PADI1: variants seen among roughly 807,000 people sequenced by gnomAD.
PADI1 encodes the protein protein-arginine deiminase type-1.
PADI1 carries 65 observed loss-of-function variants against 74.8 expected under a neutral mutation model. The ratio of observed to expected loss-of-function variants is 0.87; its 90% CI spans 0.71 to 1.07. PADI1 has a LOEUF of 1.07. Among genes scored for constraint, PADI1 ranks in the 50% least tolerant of loss-of-function variants. The pLI, the probability that PADI1 is intolerant of heterozygous loss-of-function variation, is 0.00. For missense variants in PADI1, 943 were observed against 854.0 expected, an observed-to-expected ratio of 1.10 and a Z score of -1.30; for synonymous variants, 371 against 336.2, an observed-to-expected ratio of 1.10 and a Z score of -1.13.
intron 1 of PADI1, among the ~76,000 whole-genome samples, chr1:17,218,666 A>G (rs1569774117): frequency 6.6e-6 from 1 of 152,122 alleles, no homozygotes; most frequent in East Asian, 1.9e-4. Flanking sequence ...CAAAGAGAAG[A>G]AATAATTGGA....
intron 6 of PADI1, 49 bp from the exon 7 acceptor site, chr1:17,228,576 G>A (rs1055791299): frequency 1.3e-6 from 2 of 1,598,362 alleles, no homozygotes; most frequent in Non-Finnish European, 1.7e-6. Context: ...TGGGCTTGCA[G>A]CCCCTCACCC....
At position 17,244,009 on chromosome 1, in the gene PADI1, G is replaced by A. The variant is rs1295798716; in HGVS notation, c.1759-1G>A. Reference sequence around the variant, plus strand: ...TCCCTCTTGCCTTTTCTCTTTTGCAGGTTAACATGGTGGTCTTAGGCAAGT... The same window carrying A: ...TCCCTCTTGCCTTTTCTCTTTTGCAAGTTAACATGGTGGTCTTAGGCAAGT... On this transcript the variant is annotated splice_acceptor_variant, in intron 15 of 15. Coordinates refer to ENST00000375471, the MANE Select transcript of PADI1 (RefSeq NM_013358.3). LOFTEE classifies it high-confidence loss of function. 6.2e-7 allele frequency: 1 copy of A among 1,609,762 alleles called. No individual in the cohort carries two copies. Among genetic ancestry groups the A allele is most frequent in the Non-Finnish European group, 8.5e-7 (1 of 1,176,366 alleles).
At position 17,226,037 on chromosome 1, in the gene PADI1, G is replaced by A. The variant is rs1037714444; in HGVS notation, c.531G>A (p.Leu177=). Residue 177 remains leucine (L), a synonymous_variant, in exon 6 of 16, where the codon CTG becomes CTA. Coordinates refer to ENST00000375471, the MANE Select transcript of PADI1 (RefSeq NM_013358.3). ...THSWLMSLAD[L]QDMSPMLLSC... is the part of the protein sequence containing the mutation. ...CAAGAGGGCCACTCTCTCCAGACCT[G>A]CAGGACATGTCCCCAATGCTGCTGA... is the stretch of plus-strand genomic sequence containing the variant. 2 of 1,614,168 alleles carry A rather than the reference G, an allele frequency of 1.2e-6. No homozygotes were observed. The highest frequency in any genetic ancestry group is 8.5e-7 in the Non-Finnish European group (1 of 1,180,024).
intron 12 of PADI1, 106 bp from the exon 13 acceptor site, chr1:17,238,499 CCGAGTGGGAGA>C: frequency 4.5e-6 from 2 of 442,996 alleles, no homozygotes; most frequent in Non-Finnish European, 4.0e-6. Flanking sequence ...GGGGTGTAGA[CCGAGTGGGAGA>C]GGGGAGTCCC....
chr1:17,224,551 T>G, intron 4 of PADI1, 123 bp downstream of exon 4: 1 of 761,380 alleles, frequency 1.3e-6, no homozygotes. Context: ...TATCCAACCA[T>G]GTAGGGAACC....
At chr1:17,241,214 G>A (rs1044496274) in intron 15 of PADI1, among the ~76,000 whole-genome samples, 6 of 152,208 alleles carry the variant, frequency 3.9e-5, no homozygotes, top group South Asian at 2.1e-4. Flanking sequence ...TGGGGTGGGC[G>A]GTGGCCTCGC....
chr1:17,237,269 C>G, intron 11 of PADI1, 45 bp from the exon 12 acceptor site: 1 of 1,552,520 alleles, frequency 6.4e-7, no homozygotes, highest in Non-Finnish European at 8.7e-7. Flanking sequence ...AGGCCTGATG[C>G]CTCTCAGGCA....
chr1:17,230,537 A>G, intron 9 of PADI1, 35 bp from the exon 10 acceptor site: 1 of 1,449,810 alleles, frequency 6.9e-7, no homozygotes, highest in Non-Finnish European at 9.6e-7. Context: ...CACCCGAAAA[A>G]GGTCACTGTG....
chr1:17,205,184 G>T lies in PADI1; in HGVS notation c.-34G>T, dbSNP rs1314247610. ...CCCAGGACGGGAGCTGGGGAGCCAGGGCTGATCTAGGAGGCTGGGAGCCAG... is the reference window on the plus strand; with the variant it reads ...CCCAGGACGGGAGCTGGGGAGCCAGTGCTGATCTAGGAGGCTGGGAGCCAG... On this transcript the variant is annotated 5_prime_UTR_variant, in exon 1 of 16. Coordinates refer to ENST00000375471, the MANE Select transcript of PADI1 (RefSeq NM_013358.3). The T allele has an allele frequency of 6.3e-7, 1 of 1,586,350 alleles. No individual in the cohort carries two copies. Among genetic ancestry groups the T allele is most frequent in the East Asian group, 2.2e-5 (1 of 44,638 alleles).
At chr1:17,217,921 C>G (rs865876455) in intron 1 of PADI1, among the ~76,000 whole-genome samples, 2 of 152,142 alleles carry the variant, frequency 1.3e-5, no homozygotes, top group Admixed American at 1.3e-4. Context: ...TGGTTAGTAC[C>G]AAAAATTGAT....
rs796120861 is a variant in PADI1, at chr1:17,235,293, G to GGGAAGGAAGGAAGGAA, written c.1314-2006_1314-2005insAGGAAGGAAGGAAGGA. Reference sequence around the variant, plus strand: ...AAGGAAGGAAGGAAGGAAGGAAGGAGGGAAGGAAGGAAGGAGGCAAAGTAG... The same window carrying GGGAAGGAAGGAAGGAA: ...AAGGAAGGAAGGAAGGAAGGAAGGAGGGAAGGAAGGAAGGAAGGAAGGAAGGAAGGAGGCAAAGTAG... On this transcript the variant is annotated intron_variant, in intron 11 of 15. Transcript: ENST00000375471. Among the ~76,000 whole-genome samples, 390 of 62,860 alleles carry GGGAAGGAAGGAAGGAA rather than the reference G, an allele frequency of 6.2e-3. 68 individuals are homozygous for GGGAAGGAAGGAAGGAA. The highest frequency in any genetic ancestry group is 9.3e-3 in the South Asian group (16 of 1,712). The allele number at this position is 62,860 out of a possible 152,430, so 41.2% of individuals were successfully genotyped here.
At chr1:17,233,727 G>T (rs1449973927) in intron 11 of PADI1, among the ~76,000 whole-genome samples, 2 of 152,192 alleles carry the variant, frequency 1.3e-5, no homozygotes, top group African/African-American at 2.4e-5. Context: ...GCATAGCAGG[G>T]GTGCCCCCAC....
intron 6 of PADI1, among the ~76,000 whole-genome samples, chr1:17,226,448 T>C (rs1414310388): frequency 4.6e-5 from 7 of 152,128 alleles, no homozygotes; most frequent in African/African-American, 1.7e-4. Context: ...AAGCTCCTCC[T>C]TTTACCATTG....
chr1:17,212,410 G>A (rs1484754592), intron 1 of PADI1, among the ~76,000 whole-genome samples: 9 of 134,886 alleles, frequency 6.7e-5, no homozygotes, highest in Non-Finnish European at 9.4e-5. Flanking sequence ...TGCCCCAGAC[G>A]ACCCCCAAGA....
rs979655792 is a variant in PADI1, at chr1:17,213,486, C to T, written c.92+8177C>T. 3.3e-5 allele frequency among the ~76,000 whole-genome samples: 5 copies of T among 152,198 alleles called. No homozygotes were observed. The East Asian group carries it at 9.6e-4, about 29-fold the overall frequency. On this transcript the variant is annotated intron_variant, in intron 1 of 15. Transcript: ENST00000375471. ...GAGAGGCTTCTTTCTTGAAGGCTGA[C>T]TTTTGTGTCTCTGGCGATGTATTTT...
intron 1 of PADI1, among the ~76,000 whole-genome samples, chr1:17,213,700 G>C (rs2071895253): frequency 6.6e-6 from 1 of 152,118 alleles, no homozygotes; most frequent in Non-Finnish European, 1.5e-5. Flanking sequence ...GCACACGGCA[G>C]GTGCTTGAAA....
chr1:17,237,186 T>C (rs1319805851), intron 11 of PADI1, 128 bp from the exon 12 acceptor site: 4 of 1,084,160 alleles, frequency 3.7e-6, no homozygotes, highest in East Asian at 2.4e-5. Flanking sequence ...TTCTCCACGC[T>C]CTACGCCCCA....
chr1:17,240,604 T>A, intron 14 of PADI1, 31 bp from the exon 15 acceptor site: 1 of 1,437,664 alleles, frequency 7.0e-7, no homozygotes, highest in Non-Finnish European at 9.6e-7. Flanking sequence ...CTCTTCCTAG[T>A]CCTGGGCTGC....
chr1:17,237,688 T>C (rs1482120365), intron 12 of PADI1, among the ~76,000 whole-genome samples: 2 of 152,196 alleles, frequency 1.3e-5, no homozygotes, highest in Non-Finnish European at 2.9e-5. Context: ...TGATAATAAT[T>C]GGTAATATTT....
Sources: gnomAD v4.1 joint callset for allele counts (sites outside exome capture counted in the v4.1 genomes callset) on GRCh38, gnomAD v4.1.1 for gene constraint, MANE v1.5 for transcripts, NCBI Gene and HGNC (gene_info 2026-07-23, HGNC 2026-07-21) for gene names.